Variants in TNRC6C observed in about 807,000 individuals in gnomAD.
TNRC6C encodes trinucleotide repeat containing adaptor 6C, also known as trinucleotide repeat-containing gene 6C protein.
In TNRC6C, 20 loss-of-function variants were observed where a neutral mutation model predicts 153.7. That is an observed-to-expected ratio of 0.13 (90% confidence interval 0.09 to 0.19). The LOEUF (loss-of-function observed/expected upper bound fraction) is 0.19, where lower values mean the gene tolerates loss of function less well. Ranked by LOEUF, TNRC6C falls within the 10% of genes least tolerant of loss-of-function variation. TNRC6C has a pLI of 1.00. For missense variants in TNRC6C, 1,987 were observed against 2,172.0 expected (o/e 0.91, Z 1.69); for synonymous variants, 811 against 841.4 (o/e 0.96, Z 0.63).
At chr17:77,959,549 T>G (rs1328171098) in intron 1 of TNRC6C, among the ~76,000 whole-genome samples, 1 of 152,116 alleles carries the variant, frequency 6.6e-6, no homozygotes, top group Non-Finnish European at 1.5e-5. Context: ...GCCCCCTCCC[T>G]TTTAAAACTC....
At chr17:78,004,809 C>G (rs1223579334), upstream of TNRC6C, among the ~76,000 whole-genome samples, 2 of 152,014 alleles carry the variant, frequency 1.3e-5, no homozygotes, top group African/African-American at 2.4e-5. Flanking sequence ...CTATTAGAGC[C>G]TGTTAAAATT....
At chr17:77,966,424 C>T (rs964463015) in intron 1 of TNRC6C, among the ~76,000 whole-genome samples, 2 of 152,130 alleles carry the variant, frequency 1.3e-5, no homozygotes, top group African/African-American at 4.8e-5. Flanking sequence ...AACTGAAAAG[C>T]TGTTACAAAG....
intron 9 of TNRC6C, among the ~76,000 whole-genome samples, chr17:78,078,472 T>C (rs1453866918): frequency 6.6e-6 from 1 of 152,270 alleles, no homozygotes. Flanking sequence ...ATAATAACTA[T>C]ATTTCCTGTT....
intron 3 of TNRC6C, among the ~76,000 whole-genome samples, chr17:78,064,117 C>G (rs2072824013): frequency 6.6e-6 from 1 of 152,138 alleles, no homozygotes. Context: ...AATCTTGGCT[C>G]ACTGCAACCT....
chr17:77,966,001 G>A (rs2070893943), intron 1 of TNRC6C, among the ~76,000 whole-genome samples: 1 of 152,202 alleles, frequency 6.6e-6, no homozygotes, highest in Admixed American at 6.5e-5. Context: ...AGGGCCTGTG[G>A]GCTGCAGTGG....
intron 1 of TNRC6C, among the ~76,000 whole-genome samples, chr17:78,006,550 T>G (rs1232722972): frequency 2.1e-5 from 2 of 93,120 alleles, no homozygotes; most frequent in Non-Finnish European, 4.4e-5. Context: ...CTTCTTCTTC[T>G]TCTTCTTCTT....
chr17:78,095,835 G>C (rs1161315508), intron 16 of TNRC6C, among the ~76,000 whole-genome samples: 1 of 152,208 alleles, frequency 6.6e-6, no homozygotes, highest in Non-Finnish European at 1.5e-5. Context: ...CTTGAGGCCA[G>C]GAATTTGAAA....
Position 78,047,994 on chromosome 17 carries a change from T to C in TNRC6C, c.-218-851T>C, listed in dbSNP as rs1648058445. ...CGAAGAGTTAAATACTATAAGAAGA[T>C]GGCATATAAAGTTATTCTAGGGATC... is the stretch of plus-strand genomic sequence containing the variant. On this transcript the variant is annotated intron_variant, in intron 2 of 19. Transcript: ENST00000301624. Among the ~76,000 whole-genome samples, 3 of 152,188 alleles carry C rather than the reference T, an allele frequency of 2.0e-5. No individual in the cohort carries two copies. The South Asian group carries it at 6.2e-4, about 31-fold the overall frequency.
Position 78,075,728 on chromosome 17 carries a change from C to A in TNRC6C, c.3060+450C>A, listed in dbSNP as rs2144347103. On this transcript the variant is annotated intron_variant, in intron 8 of 19. Transcript: ENST00000301624. The surrounding 1 kb of genome is among the most constrained non-coding windows in gnomAD (Gnocchi z 4.2). ...TGGCCACATGAGTGACCACAGCTGG[C>A]ATCTGTGGAAAACGCCCTGAATGTT... Among the ~76,000 whole-genome samples, 1 of 152,314 alleles carries A rather than the reference C, an allele frequency of 6.6e-6. No individual in the cohort carries two copies. Among genetic ancestry groups the A allele is most frequent in the East Asian group, 1.9e-4 (1 of 5,188 alleles).
chr17:78,054,987 C>T (rs1465075090), intron 3 of TNRC6C, among the ~76,000 whole-genome samples: 2 of 151,952 alleles, frequency 1.3e-5, no homozygotes, highest in African/African-American at 2.4e-5. Flanking sequence ...CGCTACCATA[C>T]ACCACTGCGG....
At chr17:77,958,179 C>A (rs1167022528), upstream of TNRC6C, among the ~76,000 whole-genome samples, 1 of 151,954 alleles carries the variant, frequency 6.6e-6, no homozygotes, top group Non-Finnish European at 1.5e-5. Context: ...CGCCGCCGGG[C>A]GCAATTACAG....
At chr17:78,050,073 C>T (rs375965650) in exon 3 of TNRC6C, 23 of 1,610,410 alleles carry the variant, frequency 1.4e-5, no homozygotes, top group Non-Finnish European at 1.7e-5. Flanking sequence ...GCACCTCTAA[C>T]GGTGTGAATG....
chr17:77,962,569 G>T (rs1031116540), intron 1 of TNRC6C, among the ~76,000 whole-genome samples: 1 of 152,208 alleles, frequency 6.6e-6, no homozygotes, highest in African/African-American at 2.4e-5. Flanking sequence ...GACGTCCTTG[G>T]AGCTGGCAGA....
At chr17:78,080,392 G>A (rs1345885854) in intron 10 of TNRC6C, among the ~76,000 whole-genome samples, 2 of 152,076 alleles carry the variant, frequency 1.3e-5, no homozygotes, top group Non-Finnish European at 2.9e-5. Flanking sequence ...ATTGCGGTGA[G>A]CCAAGATCAC....
chr17:78,031,608 G>T, exon 2 of TNRC6C: 1 of 1,232,404 alleles, frequency 8.1e-7, no homozygotes, highest in Non-Finnish European at 1.0e-6. Context: ...CAGCAACAAT[G>T]GCAAACGTGC....
intron 1 of TNRC6C, among the ~76,000 whole-genome samples, chr17:77,986,707 T>C (rs570373318): frequency 6.6e-6 from 1 of 152,336 alleles, no homozygotes; most frequent in South Asian, 2.1e-4. Context: ...AGTGTCATTG[T>C]GGCAGAAGCG....
intron 1 of TNRC6C, among the ~76,000 whole-genome samples, chr17:77,985,696 G>C (rs111471184): frequency 0.028 from 4,183 of 152,104 alleles, 177 homozygotes; most frequent in African/African-American, 0.096. Context: ...AAATTTAAAG[G>C]GTTAATCGGG....
At chr17:78,102,358 A>T in intron 17 of TNRC6C, 116 bp from the exon 21 acceptor site, 1 of 927,920 alleles carries the variant, frequency 1.1e-6, no homozygotes, top group Middle Eastern at 3.4e-4. Context: ...AGGCTTTCCT[A>T]AAGCACGCAG....
Position 78,104,544 on chromosome 17 carries a change from G to C in TNRC6C, c.4772G>C (p.Arg1591Pro). Reference sequence around the variant, plus strand: ...TTCGCTGGTGAAGAAGAAGTGAATCGCTTCTTAGCCCAAGGCCAGGCGCTG... The same window carrying C: ...TTCGCTGGTGAAGAAGAAGTGAATCCCTTCTTAGCCCAAGGCCAGGCGCTG... The change falls in exon 20 of 20, where the codon CGC becomes CCC. Residue 1591 changes from arginine (R) to proline (P), a missense_variant. Transcript: ENST00000301624. The surrounding 1 kb of genome is among the most constrained non-coding windows in gnomAD (Gnocchi z 6.2). The C allele has an allele frequency of 6.5e-7, 1 of 1,542,430 alleles. No homozygotes were observed. The highest frequency in any genetic ancestry group is 1.2e-5 in the South Asian group (1 of 83,510).
Sources: gnomAD v4.1 joint callset for allele counts (sites outside exome capture counted in the v4.1 genomes callset) on GRCh38, gnomAD v4.1.1 for gene constraint, Gnocchi (gnomAD v3.1) non-coding constraint, MANE v1.5 for transcripts, NCBI Gene and HGNC (gene_info 2026-07-23, HGNC 2026-07-21) for gene names.